Variants in OTOGL observed in about 807,000 individuals in gnomAD.
OTOGL encodes the protein otogelin like.
A neutral mutation model predicts 318.5 loss-of-function variants in OTOGL; 285 were observed. That is an observed-to-expected ratio of 0.89 (90% confidence interval 0.81 to 0.99). OTOGL has a LOEUF of 0.99. Among genes scored for constraint, OTOGL ranks in the 50% least tolerant of loss-of-function variants. The pLI is 0.00. For synonymous variants in OTOGL, 987 were observed against 936.5 expected, an observed-to-expected ratio of 1.05 and a Z score of -0.99; for missense variants, 2,899 against 2,845.6, an observed-to-expected ratio of 1.02 and a Z score of -0.43.
At chr12:80,250,798 A>G (rs1389214884) in intron 11 of OTOGL, among the ~76,000 whole-genome samples, 1 of 152,166 alleles carries the variant, frequency 6.6e-6, no homozygotes, top group African/African-American at 2.4e-5. Context: ...ATATTTAACT[A>G]TTCAATTTTG....
intron 23 of OTOGL, among the ~76,000 whole-genome samples, chr12:80,270,535 AGTGTGC>A (rs1224553211): frequency 6.6e-6 from 1 of 152,114 alleles, no homozygotes; most frequent in East Asian, 1.9e-4. Flanking sequence ...CTCAGATTTT[AGTGTGC>A]ACATATGGGG....
chr12:80,140,590 A>G lies in OTOGL; in HGVS notation c.-20+40985A>G, dbSNP rs144853458. On this transcript the variant is annotated intron_variant, in intron 1 of 58. Coordinates refer to ENST00000547103, the MANE Select transcript of OTOGL (RefSeq NM_001378609.3). ...TGTCCCCATGGCTCTGCCATTAACT[A>G]CCTGATGATCTTGGGCAAGTTACTT... Among the ~76,000 whole-genome samples the G allele has an allele frequency of 3.9e-5, 6 of 152,278 alleles. No homozygotes were observed. The East Asian group carries it at 1.2e-3, about 29-fold the overall frequency.
chr12:80,345,215 A>AATAT (rs3045903), intron 44 of OTOGL, among the ~76,000 whole-genome samples: 4 of 138,742 alleles, frequency 2.9e-5, no homozygotes, highest in African/African-American at 8.0e-5. Flanking sequence ...TTATGTATAA[A>AATAT]ATATATATAT....
In OTOGL at chr12:80,236,397, C is replaced by G. The variant is rs574861004; in HGVS notation, c.818-2454C>G. 1.0e-3 allele frequency among the ~76,000 whole-genome samples: 158 copies of G among 152,266 alleles called. 2 individuals carry two copies. The highest frequency in any genetic ancestry group is 9.1e-3 in the South Asian group (44 of 4,832). On this transcript the variant is annotated intron_variant, in intron 9 of 58. Transcript: ENST00000547103. The stretch of plus-strand genomic sequence containing the variant: ...AATTTTAGTTTAGCAGGCTCCCACA[C>G]CACCATTAGATATGGATTGAAAAAT...
chr12:80,243,271 A>C (rs1810185031), intron 11 of OTOGL, among the ~76,000 whole-genome samples: 1 of 152,074 alleles, frequency 6.6e-6, no homozygotes, highest in African/African-American at 2.4e-5. Flanking sequence ...AAGTGGCTTA[A>C]ATTTTCTTTA....
intron 57 of OTOGL, among the ~76,000 whole-genome samples, chr12:80,372,324 G>A (rs1194082533): frequency 1.3e-5 from 2 of 151,960 alleles, no homozygotes; most frequent in Non-Finnish European, 2.9e-5. Context: ...GAAAGTGTTT[G>A]CATTTAGATT....
At chr12:80,329,522 G>C (rs959453433) in intron 37 of OTOGL, among the ~76,000 whole-genome samples, 4 of 152,144 alleles carry the variant, frequency 2.6e-5, no homozygotes, top group Non-Finnish European at 4.4e-5. Flanking sequence ...GATTTTCACA[G>C]TGATTAAATT....
chr12:80,251,704 A>T lies in OTOGL; in HGVS notation c.1064A>T (p.Asp355Val). 6.3e-7 allele frequency: 1 copy of T among 1,587,298 alleles called. No homozygotes were observed. The highest frequency in any genetic ancestry group is 8.6e-7 in the Non-Finnish European group (1 of 1,165,484). ...CVNDLCKTDD[D>V]ETYCRAATEY... Reference sequence around the variant, plus strand: ...TTTTCACTTTCTAGAACTGATGATGATGAAACCTATTGCCGAGCAGCCACT... The same window carrying T: ...TTTTCACTTTCTAGAACTGATGATGTTGAAACCTATTGCCGAGCAGCCACT... Residue 355 changes from aspartate to valine, a missense_variant, in exon 12 of 59, where the codon GAT becomes GTT. Asp to Val is a radical substitution (Grantham distance 152, BLOSUM62 -3). This residue lies in a region of OTOGL where 2,607 missense variants were observed against 2,524.9 expected (regional missense o/e 1.03). Coordinates refer to ENST00000547103, the MANE Select transcript of OTOGL (RefSeq NM_001378609.3).
intron 1 of OTOGL, among the ~76,000 whole-genome samples, chr12:80,109,626 A>G (rs928221091): frequency 6.6e-6 from 1 of 152,190 alleles, no homozygotes; most frequent in African/African-American, 2.4e-5. Context: ...TAGAGCTCAA[A>G]GGGATCCATG....
Position 80,150,463 on chromosome 12 carries a change from A to G in OTOGL, c.-20+50858A>G, listed in dbSNP as rs1008740449. ...TCTGGGAGATCAAAGGGGAATGTTA[A>G]GGACTCATCCATCGCATTTATCTTT... On this transcript the variant is annotated intron_variant, in intron 1 of 58. Transcript: ENST00000547103. 3.5e-4 allele frequency among the ~76,000 whole-genome samples: 54 copies of G among 152,256 alleles called. 1 individual carries two copies. Among genetic ancestry groups the G allele is most frequent in the African/African-American group, 1.1e-3 (46 of 41,478 alleles).
At chr12:80,363,910 T>C (rs1890379985) in intron 52 of OTOGL, among the ~76,000 whole-genome samples, 1 of 152,070 alleles carries the variant, frequency 6.6e-6, no homozygotes, top group Non-Finnish European at 1.5e-5. Flanking sequence ...CTTAGCTCTG[T>C]TTTTTATTTA....
chr12:80,328,861 T>C, intron 36 of OTOGL, 117 bp downstream of exon 36: 1 of 1,089,480 alleles, frequency 9.2e-7, no homozygotes, highest in Non-Finnish European at 1.3e-6. Context: ...CATAAGATTA[T>C]TCTTCAATGT....
intron 9 of OTOGL, among the ~76,000 whole-genome samples, chr12:80,234,771 G>A (rs1241227567): frequency 1.3e-5 from 2 of 152,150 alleles, no homozygotes; most frequent in Non-Finnish European, 2.9e-5. Context: ...GATAGATAAT[G>A]CATCGTCAGG....
chr12:80,262,067 AC>A lies in OTOGL; in HGVS notation c.1992del (p.Cys665ValfsTer165), dbSNP rs1371295589. 6.2e-7 allele frequency: 1 copy of A among 1,611,402 alleles called. No individual in the cohort carries two copies. Among genetic ancestry groups the A allele is most frequent in the Admixed American group, 1.7e-5 (1 of 59,770 alleles). ...CFAPVHVPVV[D>X]PCNINQQNIG... ...GCACCTGTTCATGTCCCAGTGGTGG[AC>A]CCCTGTAACATCAATCAACAAAACA... On this transcript the variant is annotated frameshift_variant, in exon 19 of 59. Coordinates refer to ENST00000547103, the MANE Select transcript of OTOGL (RefSeq NM_001378609.3). LOFTEE classifies it high-confidence loss of function.
At chr12:80,150,664 T>G (rs1008792784) in intron 1 of OTOGL, among the ~76,000 whole-genome samples, 1 of 152,228 alleles carries the variant, frequency 6.6e-6, no homozygotes, top group African/African-American at 2.4e-5. Flanking sequence ...ATAAGGGCCT[T>G]ATAGTTATTG....
intron 26 of OTOGL, among the ~76,000 whole-genome samples, chr12:80,285,931 G>A (rs191509742): frequency 2.1e-4 from 32 of 152,202 alleles, no homozygotes; most frequent in Admixed American, 3.3e-4. Flanking sequence ...GGTAAGAGGG[G>A]GCATCCTTGT....
At chr12:80,361,381 C>T (rs749708291) in intron 52 of OTOGL, among the ~76,000 whole-genome samples, 16 of 151,948 alleles carry the variant, frequency 1.1e-4, no homozygotes, top group Non-Finnish European at 2.1e-4. Flanking sequence ...TCCATTCATC[C>T]TTTGGTGGAC....
At chr12:80,147,017 A>T (rs1234550793) in intron 1 of OTOGL, among the ~76,000 whole-genome samples, 1 of 151,658 alleles carries the variant, frequency 6.6e-6, no homozygotes, top group African/African-American at 2.4e-5. Flanking sequence ...TCCTGGATTC[A>T]TTAATTTTTT....
At position 80,336,034 on chromosome 12, in the gene OTOGL, C is replaced by T; in HGVS notation, c.4494C>T (p.Asn1498=). 1 of 1,598,744 alleles carries T rather than the reference C, an allele frequency of 6.3e-7. No homozygotes were observed. Among genetic ancestry groups the T allele is most frequent in the Non-Finnish European group, 8.5e-7 (1 of 1,179,340 alleles). Residue 1498 remains asparagine, a synonymous_variant, in exon 39 of 59, where the codon AAC becomes AAT. Transcript: ENST00000547103. ...TTAATATGGAATGGCAGTTATACAACTGGTCCCTTAATTGCCCAAAGGACG... is the reference window on the plus strand; with the variant it reads ...TTAATATGGAATGGCAGTTATACAATTGGTCCCTTAATTGCCCAAAGGACG... ...ICLNMEWQLY[N]WSLNCPKDVE...
Sources: gnomAD v4.1 joint callset for allele counts (sites outside exome capture counted in the v4.1 genomes callset) on GRCh38, gnomAD v4.1.1 for gene constraint, gnomAD v4.1.1 regional missense constraint, MANE v1.5 for transcripts, NCBI Gene and HGNC (gene_info 2026-07-23, HGNC 2026-07-21) for gene names.